The following SMO variants were observed in gnomAD, a reference collection of about 807,000 sequenced individuals.
SMO encodes the protein protein smoothened.
SMO carries 40 observed loss-of-function variants against 81.6 expected under a neutral mutation model. That is an observed-to-expected ratio of 0.49 (90% CI 0.38 to 0.64). The LOEUF (loss-of-function observed/expected upper bound fraction) is 0.64. SMO is among the 30% of genes least tolerant of loss of function. The probability of loss-of-function intolerance (pLI) is 0.00; values close to 1 mark genes in which losing one functional copy is unlikely to be tolerated. For synonymous variants in SMO, 434 were observed against 432.1 expected (o/e 1.00, Z -0.05); for missense variants, 916 against 1,061.1 (o/e 0.86, Z 1.90).
intron 2 of SMO, among the ~76,000 whole-genome samples, chr7:129,204,630 AGCCAGAC>A (rs1793727723): frequency 6.6e-6 from 1 of 152,152 alleles, no homozygotes; most frequent in Non-Finnish European, 1.5e-5. Flanking sequence ...TGGGCGACAG[AGCCAGAC>A]TCTGTCTCTC....
At position 129,210,486 on chromosome 7, in the gene SMO, C is replaced by T. The variant is rs184087073; in HGVS notation, c.1590C>T (p.Ile530=). 1.5e-5 allele frequency: 25 copies of T among 1,614,122 alleles called. No homozygotes were observed. In the Admixed American group the frequency reaches 2.7e-4, roughly 17 times the overall value. ...TGTTTGCCATGTTTGGAACTGGCAT[C>T]GCCATGAGCACCTGGGTCTGGACCA... ...INLFAMFGTG[I]AMSTWVWTKA... The change falls in exon 9 of 12, where the codon ATC becomes ATT. Residue 530 remains isoleucine, a synonymous_variant. Transcript: ENST00000249373. The surrounding 1 kb of genome is among the most constrained non-coding windows in gnomAD (Gnocchi z 4.7).
At chr7:129,205,852 G>A (rs1028980115) in intron 4 of SMO, 70 bp downstream of exon 4, 4 of 1,451,288 alleles carry the variant, frequency 2.8e-6, no homozygotes, top group Admixed American at 1.8e-5. Flanking sequence ...ACCCCAAAGG[G>A]AGCAGGTGCG....
chr7:129,202,850 G>A (rs1793692977), intron 1 of SMO, among the ~76,000 whole-genome samples: 1 of 152,202 alleles, frequency 6.6e-6, no homozygotes, highest in South Asian at 2.1e-4. Flanking sequence ...ACCCCGGGGA[G>A]CTCTACCAGA....
rs1234202016 is a variant in SMO, at chr7:129,210,242, C to A, written c.1467-121C>A. The A allele has an allele frequency of 2.7e-6, 2 of 752,782 alleles. No homozygotes were observed. The highest frequency in any genetic ancestry group is 2.2e-6 in the Non-Finnish European group (1 of 452,576). The allele number at this position is 752,782 out of a possible 1,614,324, so 46.6% of individuals were successfully genotyped here. On this transcript the variant is annotated intron_variant, in intron 8 of 11. Coordinates refer to ENST00000249373, the MANE Select transcript of SMO (RefSeq NM_005631.5). This position sits in a 1 kb window ranked among gnomAD's most constrained non-coding sequence, Gnocchi z 4.7. ...ATTGCCTGAGCCCAGGAGTTGGAAG[C>A]TGCAGTGGGTTGTGATCACGCCACC...
chr7:129,205,298 G>A lies in SMO; in HGVS notation c.633G>A (p.Glu211=), dbSNP rs2150648285. ...CCAAGAGCTGGTACGAGGACGTGGA[G>A]GGCTGCGGCATCCAGTGCCAGAACC... ...DNPKSWYEDV[E]GCGIQCQNPL... The change falls in exon 3 of 12, where the codon GAG becomes GAA. Residue 211 remains glutamate (E), a synonymous_variant. Transcript: ENST00000249373. 6.2e-7 allele frequency: 1 copy of A among 1,614,212 alleles called. No homozygotes were observed. The highest frequency in any genetic ancestry group is 8.5e-7 in the Non-Finnish European group (1 of 1,180,006).
chr7:129,211,566 A>C lies in SMO; in HGVS notation c.1802-70A>C, dbSNP rs188686872. 2.3e-4 allele frequency: 349 copies of C among 1,523,664 alleles called. 1 individual carries two copies. The African/African-American group carries it at 4.4e-3, about 19-fold the overall frequency. 94.4% of individuals were successfully genotyped at this position (1,523,664 alleles called of 1,614,324 possible). On this transcript the variant is annotated intron_variant, in intron 10 of 11. Coordinates refer to ENST00000249373, the MANE Select transcript of SMO (RefSeq NM_005631.5). The surrounding 1 kb of genome is among the most constrained non-coding windows in gnomAD (Gnocchi z 4.6). ...GGCTGTGGGAAGATGAATGGCACTG[A>C]CTATGGGAGGCACTGCCAGGGACCG...
chr7:129,205,152 G>C, intron 2 of SMO, 51 bp from the exon 3 acceptor site: 1 of 1,523,200 alleles, frequency 6.6e-7, no homozygotes, highest in Non-Finnish European at 9.1e-7. Flanking sequence ...CTAAACAAGA[G>C]GCTCGTCCCT....
intron 1 of SMO, among the ~76,000 whole-genome samples, chr7:129,191,200 C>T (rs1384539890): frequency 6.6e-6 from 1 of 152,196 alleles, no homozygotes; most frequent in Non-Finnish European, 1.5e-5. Context: ...AAGTTAAATG[C>T]ATGTTTGATG....
intron 2 of SMO, among the ~76,000 whole-genome samples, chr7:129,204,942 T>G (rs1321332241): frequency 6.6e-6 from 1 of 151,660 alleles, no homozygotes; most frequent in African/African-American, 2.4e-5. Context: ...AGGCAGAGGT[T>G]GCAGTGAGCT....
At position 129,208,494 on chromosome 7, in the gene SMO, T is replaced by C. The variant is rs879056047; in HGVS notation, c.1265-265T>C. Among the ~76,000 whole-genome samples, 1 of 152,046 alleles carries C rather than the reference T, an allele frequency of 6.6e-6. No homozygotes were observed. The highest frequency in any genetic ancestry group is 2.4e-5 in the African/African-American group (1 of 41,390). On this transcript the variant is annotated intron_variant, in intron 6 of 11. Coordinates refer to ENST00000249373, the MANE Select transcript of SMO (RefSeq NM_005631.5). The surrounding 1 kb of genome is among the most constrained non-coding windows in gnomAD (Gnocchi z 5.2). The stretch of plus-strand genomic sequence containing the variant: ...GCTGTTCTTGAGTCTGTTTTATGTC[T>C]TTCCCATCAGAACAGCTTTGATCTG...
chr7:129,196,055 CGT>C (rs1793572945), intron 1 of SMO, among the ~76,000 whole-genome samples: 1 of 146,416 alleles, frequency 6.8e-6, no homozygotes, highest in African/African-American at 2.6e-5. Flanking sequence ...GAGCCGAGAT[CGT>C]GCCACTGCAC....
At chr7:129,209,453 A>G in intron 8 of SMO, 56 bp downstream of exon 8, 1 of 1,173,388 alleles carries the variant, frequency 8.5e-7, no homozygotes, top group Non-Finnish European at 1.3e-6. Context: ...GGCCATAAAG[A>G]CACCCACCTC....
chr7:129,204,117 G>T (rs767756675), intron 2 of SMO, among the ~76,000 whole-genome samples: 6 of 152,172 alleles, frequency 3.9e-5, no homozygotes, highest in Non-Finnish European at 8.8e-5. Context: ...CAGATCACCT[G>T]AAGTCAGGAG....
rs559737648 is a variant in SMO at position 129,213,490 on chromosome 7, C to G, written c.*1039C>G. On this transcript the variant is annotated 3_prime_UTR_variant, in exon 12 of 12. Transcript: ENST00000249373. ...GACAGCAGGAAGCCATAGATGCTGG[C>G]TGGGTTCCAGGTTATGGGGAGAAGA... is the stretch of plus-strand genomic sequence containing the variant. The G allele has an allele frequency of 4.3e-6, 1 of 231,974 alleles. No individual in the cohort carries two copies. Among genetic ancestry groups the G allele is most frequent in the East Asian group, 6.1e-5 (1 of 16,348 alleles). 14.4% of individuals were successfully genotyped at this position (231,974 alleles called of 1,614,324 possible). A position where few individuals can be genotyped will look rare whatever the true frequency, so the allele number is the denominator to read the frequency against.
In SMO at chr7:129,189,193, C is replaced by T. The variant is rs1383476694; in HGVS notation, c.42C>T (p.Leu14=). ...ARPARGPELP[L]LGLLLLLLLG... ...CAGCGCGGGGGCCGGAGCTCCCGCTCCTGGGGCTGCTGCTGCTGCTGCTGC... is the reference window on the plus strand; with the variant it reads ...CAGCGCGGGGGCCGGAGCTCCCGCTTCTGGGGCTGCTGCTGCTGCTGCTGC... Residue 14 remains leucine, a synonymous_variant, in exon 1 of 12, where the codon CTC becomes CTT. Transcript: ENST00000249373. This position sits in a 1 kb window ranked among gnomAD's most constrained non-coding sequence, Gnocchi z 4.7. The T allele has an allele frequency of 1.7e-6, 2 of 1,164,250 alleles. No individual in the cohort carries two copies. The highest frequency in any genetic ancestry group is 1.6e-5 in the African/African-American group (1 of 62,464). The allele number at this position is 1,164,250 out of a possible 1,614,324, so 72.1% of individuals were successfully genotyped here.
chr7:129,194,403 A>G (rs900608768), intron 1 of SMO, among the ~76,000 whole-genome samples: 1 of 152,100 alleles, frequency 6.6e-6, no homozygotes, highest in African/African-American at 2.4e-5. Flanking sequence ...TAACTTTTTA[A>G]TTGTGAAATA....
intron 1 of SMO, among the ~76,000 whole-genome samples, chr7:129,200,724 T>G (rs1280205609): frequency 1.4e-5 from 2 of 138,690 alleles, no homozygotes; most frequent in East Asian, 3.9e-4. Context: ...AAAATTACAG[T>G]TTTTTTTTTG....
Position 129,213,036 on chromosome 7 carries a change from C to A in SMO, c.*585C>A. Reference sequence around the variant, plus strand: ...TCCTCTCTTAATAGGTGGCACTACCCCAAACCCATCTTTTGTTCTCCTATA... The same window carrying A: ...TCCTCTCTTAATAGGTGGCACTACCACAAACCCATCTTTTGTTCTCCTATA... On this transcript the variant is annotated 3_prime_UTR_variant, in exon 12 of 12. Transcript: ENST00000249373. 1 of 252,768 alleles carries A rather than the reference C, an allele frequency of 4.0e-6. No homozygotes were observed. Among genetic ancestry groups the A allele is most frequent in the Non-Finnish European group, 7.6e-6 (1 of 130,892 alleles). The allele number at this position is 252,768 out of a possible 1,614,324, so 15.7% of individuals were successfully genotyped here.
chr7:129,195,615 T>TA lies in SMO; in HGVS notation c.331+6134dup, dbSNP rs553022920. Among the ~76,000 whole-genome samples, 504 of 152,318 alleles carry TA rather than the reference T, an allele frequency of 3.3e-3. 4 individuals are homozygous for TA. Among genetic ancestry groups the TA allele is most frequent in the African/African-American group, 0.011 (472 of 41,572 alleles). ...ATAGGATTACAAAGGAAATCAATTA[T>TA]ATTGACATAATAGTTATCAAATATA... is the stretch of plus-strand genomic sequence containing the variant. On this transcript the variant is annotated intron_variant, in intron 1 of 11. Transcript: ENST00000249373.
Sources: allele counts gnomAD v4.1 joint callset (sites outside exome capture counted in the v4.1 genomes callset), GRCh38; gene constraint gnomAD v4.1.1; non-coding constraint Gnocchi (gnomAD v3.1); transcripts MANE v1.5; gene names NCBI Gene and HGNC (gene_info 2026-07-23, HGNC 2026-07-21).